RRBP1: variants seen among roughly 807,000 people sequenced by gnomAD.
RRBP1 encodes the protein ribosome binding protein 1, also known as ribosome-binding protein 1.
RRBP1 carries 94 observed loss-of-function variants against 165.2 expected under a neutral mutation model. The ratio of observed to expected loss-of-function variants is 0.57; its 90% CI spans 0.48 to 0.68. The LOEUF is 0.68. RRBP1 is among the 30% of genes least tolerant of loss of function. The pLI is 0.00. For synonymous variants in RRBP1, 680 were observed against 714.5 expected (o/e 0.95, Z 0.77); for missense variants, 1,676 against 1,763.0 (o/e 0.95, Z 0.88).
chr20:17,682,219 G>A lies in RRBP1; in HGVS notation c.-290C>T, dbSNP rs957230642. 12 of 152,280 alleles carry A rather than the reference G, an allele frequency of 7.9e-5. No individual in the cohort carries two copies. The highest frequency in any genetic ancestry group is 2.9e-4 in the African/African-American group (12 of 41,452). The allele number at this position is 152,280 out of a possible 1,614,324, so 9.4% of individuals were successfully genotyped here. A position where few individuals can be genotyped will look rare whatever the true frequency, so the allele number is the denominator to read the frequency against. ...CCGGCCGCTCGCTGGCTGCGTGCGC[G>A]CGTGTGGAGTCGTGGCACTTTCTGC... On this transcript the variant is annotated 5_prime_UTR_variant, in exon 1 of 25. Transcript: ENST00000377813.
intron 2 of RRBP1, among the ~76,000 whole-genome samples, chr20:17,667,186 T>C (rs2036888216): frequency 6.6e-6 from 1 of 152,248 alleles, no homozygotes; most frequent in South Asian, 2.1e-4. Context: ...TAGGGTTTTC[T>C]GTTCTTTGTA....
At chr20:17,625,286 G>A (rs1240834675) in intron 12 of RRBP1, among the ~76,000 whole-genome samples, 2 of 152,164 alleles carry the variant, frequency 1.3e-5, no homozygotes, top group Admixed American at 6.5e-5. Flanking sequence ...ACGCTTGAGC[G>A]AGTGGCGCAG....
chr20:17,615,891 T>C, intron 22 of RRBP1, 35 bp downstream of exon 22: 1 of 1,571,444 alleles, frequency 6.4e-7, no homozygotes. Flanking sequence ...GCCCAGGGGC[T>C]GATGGGGGCT....
At chr20:17,634,035 G>C (rs1359564516) in intron 7 of RRBP1, among the ~76,000 whole-genome samples, 1 of 152,216 alleles carries the variant, frequency 6.6e-6, no homozygotes, top group Non-Finnish European at 1.5e-5. Context: ...GGCCAGGCTG[G>C]GGAGGCTGCC....
chr20:17,639,102 C>T lies in RRBP1; in HGVS notation c.2185-2373G>A, dbSNP rs140474588. Among the ~76,000 whole-genome samples the T allele has an allele frequency of 1.5e-3, 229 of 152,342 alleles. 1 individual carries two copies. The highest frequency in any genetic ancestry group is 5.2e-3 in the African/African-American group (215 of 41,582). ...GGCTTCAGGACAGAGGTTCTGGTGC[C>T]CAGGAACATGACAGCTGGAATGTTT... On this transcript the variant is annotated intron_variant, in intron 5 of 24. Coordinates refer to ENST00000377813, the MANE Select transcript of RRBP1 (RefSeq NM_001365613.2).
chr20:17,667,200 C>G (rs1039265343), intron 2 of RRBP1, among the ~76,000 whole-genome samples: 1 of 152,080 alleles, frequency 6.6e-6, no homozygotes, highest in African/African-American at 2.4e-5. Flanking sequence ...CTTTGTAGAT[C>G]TGGAAGAACT....
At chr20:17,618,510 G>A in intron 20 of RRBP1, 86 bp downstream of exon 20, 1 of 1,064,820 alleles carries the variant, frequency 9.4e-7, no homozygotes, top group Non-Finnish European at 1.5e-6. Flanking sequence ...TCTTTGAGTG[G>A]ACACAAACGC....
Position 17,629,819 on chromosome 20 carries a change from T to C in RRBP1, c.2749+4A>G, listed in dbSNP as rs1469631331. 2 of 1,596,002 alleles carry C rather than the reference T, an allele frequency of 1.3e-6. No individual in the cohort carries two copies. Among genetic ancestry groups the C allele is most frequent in the African/African-American group, 1.3e-5 (1 of 74,790 alleles). On this transcript the variant is annotated splice_donor_region_variant and intron_variant, in intron 9 of 24. Transcript: ENST00000377813. ...ACCCCCGGCCCCACTGCCGCCGCCC[T>C]TACCGGCCATCTGCTGCTGTTGCTC... is the stretch of plus-strand genomic sequence containing the variant.
At chr20:17,627,761 T>C (rs1262063090) in intron 9 of RRBP1, 79 bp from the exon 10 acceptor site, 35 of 1,387,470 alleles carry the variant, frequency 2.5e-5, no homozygotes, top group Non-Finnish European at 3.1e-5. Flanking sequence ...ACTGCTGCCC[T>C]CTTAGCACAT....
In RRBP1 at chr20:17,620,173, G is replaced by A. The variant is rs117412296; in HGVS notation, c.3579+126C>T. 5,553 of 736,834 alleles carry A rather than the reference G, an allele frequency of 7.5e-3. 136 individuals are homozygous for A. Among genetic ancestry groups the A allele is most frequent in the East Asian group, 0.073 (2,922 of 40,236 alleles). 45.6% of individuals were successfully genotyped at this position (736,834 alleles called of 1,614,324 possible). On this transcript the variant is annotated intron_variant, in intron 18 of 24. Coordinates refer to ENST00000377813, the MANE Select transcript of RRBP1 (RefSeq NM_001365613.2). ...GGATGGACAAGATCCCTTGGCTTGA[G>A]AGAGAATGCCTCTCTTAAGGCACAC...
chr20:17,646,936 C>A (rs191648787), intron 3 of RRBP1, among the ~76,000 whole-genome samples: 45 of 152,342 alleles, frequency 3.0e-4, no homozygotes, highest in Admixed American at 1.7e-3. Flanking sequence ...TGGAGCACCC[C>A]TGCACTGTGC....
At chr20:17,673,406 T>C (rs2122505424) in intron 2 of RRBP1, among the ~76,000 whole-genome samples, 1 of 152,166 alleles carries the variant, frequency 6.6e-6, no homozygotes, top group South Asian at 2.1e-4. Context: ...TGTCCTGAAG[T>C]CTTTCTTTTT....
Position 17,630,082 on chromosome 20 carries a change from T to C in RRBP1, c.2611-121A>G, listed in dbSNP as rs576601322. The C allele has an allele frequency of 2.7e-5, 31 of 1,146,808 alleles. No individual in the cohort carries two copies. In the South Asian group the frequency reaches 4.9e-4, roughly 18 times the overall value. 71.0% of individuals were successfully genotyped at this position (1,146,808 alleles called of 1,614,324 possible). ...AAAGCCCCGTGCAGTCTCTGGTCCA[T>C]GTGGGAAGGAAATGCATCCCTCGAG... is the stretch of plus-strand genomic sequence containing the variant. On this transcript the variant is annotated intron_variant, in intron 8 of 24. Transcript: ENST00000377813.
Position 17,618,588 on chromosome 20 carries a change from C to A in RRBP1, c.3759+8G>T. 1.2e-6 allele frequency: 2 copies of A among 1,612,094 alleles called. No individual in the cohort carries two copies. Among genetic ancestry groups the A allele is most frequent in the Non-Finnish European group, 1.7e-6 (2 of 1,178,388 alleles). ...CACTCCTGGCATGGGGACATGGAGG[C>A]CACCTACCAGGGCAAGCTCATCGCT... On this transcript the variant is annotated splice_region_variant and intron_variant, in intron 20 of 24. Coordinates refer to ENST00000377813, the MANE Select transcript of RRBP1 (RefSeq NM_001365613.2).
At chr20:17,647,771 A>G (rs2036490070) in intron 3 of RRBP1, among the ~76,000 whole-genome samples, 1 of 152,348 alleles carries the variant, frequency 6.6e-6, no homozygotes, top group Middle Eastern at 3.4e-3. Context: ...TGTCCAGATC[A>G]GTTCTGAGGG....
In RRBP1 at chr20:17,615,559, G is replaced by T. The variant is rs745703577; in HGVS notation, c.3952-30C>A. On this transcript the variant is annotated intron_variant, in intron 22 of 24. Coordinates refer to ENST00000377813, the MANE Select transcript of RRBP1 (RefSeq NM_001365613.2). ...CCGGAGAGGGAAGTGAGGTCTGGGT[G>T]AGACGTCTTATAAACGGCTGTGCTG... is the stretch of plus-strand genomic sequence containing the variant. The T allele has an allele frequency of 4.7e-5, 73 of 1,562,600 alleles. No individual in the cohort carries two copies. In the South Asian group the frequency reaches 7.7e-4, roughly 17 times the overall value.
chr20:17,620,444 C>G, intron 17 of RRBP1, 74 bp from the exon 18 acceptor site: 1 of 1,377,618 alleles, frequency 7.3e-7, no homozygotes, highest in South Asian at 1.2e-5. Context: ...TGCTAGGACC[C>G]GAGCGGGACT....
intron 19 of RRBP1, chr20:17,619,283 A>G (rs1369742859): frequency 4.4e-6 from 1 of 228,594 alleles, no homozygotes; most frequent in Non-Finnish European, 8.5e-6. Context: ...GAAGAGCAGA[A>G]AAAGTGTCAG....
At chr20:17,628,166 G>A (rs944454981) in intron 9 of RRBP1, among the ~76,000 whole-genome samples, 1 of 152,096 alleles carries the variant, frequency 6.6e-6, no homozygotes, top group Non-Finnish European at 1.5e-5. Flanking sequence ...CTCCCCTTGA[G>A]GTGTCCTCCT....
Sources: allele counts gnomAD v4.1 joint callset (sites outside exome capture counted in the v4.1 genomes callset), GRCh38; gene constraint gnomAD v4.1.1; transcripts MANE v1.5; gene names NCBI Gene and HGNC (gene_info 2026-07-23, HGNC 2026-07-21).